MRGPRF: variants seen among roughly 807,000 people sequenced by gnomAD.
The protein encoded by MRGPRF is MAS related GPR family member F.
A neutral mutation model predicts 3.3 loss-of-function variants in MRGPRF; 2 were observed. The observed-to-expected ratio is 0.61, with a 90% confidence interval of 0.25 to 1.92. The LOEUF is 1.92. Among genes scored for constraint, MRGPRF ranks in the 40% most tolerant of loss-of-function variants. MRGPRF has a pLI of 0.16. For synonymous variants in MRGPRF, 242 were observed against 222.7 expected (o/e 1.09, Z -0.77); for missense variants, 500 against 476.0 (o/e 1.05, Z -0.47).
rs1349859546 is a variant in MRGPRF, at chr11:69,005,750, C to A, written c.560G>T (p.Arg187Leu). ...CCTGCAGGCCGCGCCGGGGGCCCCGCGGCCCAGGAACACGCAGAAGTAGTT... is the reference window on the plus strand; with the variant it reads ...CCTGCAGGCCGCGCCGGGGGCCCCGAGGCCCAGGAACACGCAGAAGTAGTT... ...LHNYFCVFLG[R>L]GAPGAACRHM... The change falls in exon 3 of 3, where the codon CGC becomes CTC. Residue 187 changes from arginine (R) to leucine (L), a missense_variant. By Grantham distance (102) the Arg-to-Leu change is moderately radical. Coordinates refer to ENST00000309099, the MANE Select transcript of MRGPRF (RefSeq NM_145015.5). 23 of 1,549,138 alleles carry A rather than the reference C, an allele frequency of 1.5e-5. 1 individual carries two copies. The highest frequency in any genetic ancestry group is 3.9e-5 in the Admixed American group (2 of 50,868).
chr11:69,005,905 C>T lies in MRGPRF; in HGVS notation c.405G>A (p.Pro135=), dbSNP rs371437637. 2.0e-5 allele frequency: 31 copies of T among 1,572,616 alleles called. No individual in the cohort carries two copies. The African/African-American group carries it at 3.0e-4, about 15-fold the overall frequency. ...CMFLTGVSLL[P]AVSAERCASV... ...AGGCGCAGCGCTCGGCGCTGACGGC[C>T]GGCAGGAGGCTCACGCCGGTAAGGA... Residue 135 remains proline, a synonymous_variant, in exon 3 of 3, where the codon CCG becomes CCA. Coordinates refer to ENST00000309099, the MANE Select transcript of MRGPRF (RefSeq NM_145015.5).
chr11:69,006,216 A>G lies in MRGPRF; in HGVS notation c.94T>C (p.Phe32Leu), dbSNP rs762559091. ...ATCGCGATCTGCTCGATGGTCAGGA[A>G]GCCCCGGCTGTAGAGTTCCGGGGCC... The part of the protein sequence containing the change: ...SEAPELYSRG[F>L]LTIEQIAMLP... Residue 32 changes from phenylalanine (F) to leucine (L), a missense_variant, in exon 3 of 3, where the codon TTC (phenylalanine) becomes CTC (leucine). By Grantham distance (22) the Phe-to-Leu change is conservative (BLOSUM62 0). Transcript: ENST00000309099. The G allele has an allele frequency of 1.9e-6, 3 of 1,613,382 alleles. No individual in the cohort carries two copies. Among genetic ancestry groups the G allele is most frequent in the Non-Finnish European group, 2.5e-6 (3 of 1,180,038 alleles).
chr11:69,006,850 C>G (rs1860502556), intron 2 of MRGPRF, among the ~76,000 whole-genome samples: 1 of 152,122 alleles, frequency 6.6e-6, no homozygotes, highest in African/African-American at 2.4e-5. Context: ...TCTCGAACTC[C>G]TGACCTCAAG....
At chr11:69,008,110 T>G (rs1323609951) in intron 2 of MRGPRF, among the ~76,000 whole-genome samples, 1 of 151,898 alleles carries the variant, frequency 6.6e-6, no homozygotes, top group Non-Finnish European at 1.5e-5. Flanking sequence ...TGCACTGGAG[T>G]GGCTGATCGT....
chr11:69,008,326 A>G (rs569970714), intron 2 of MRGPRF, among the ~76,000 whole-genome samples: 24 of 152,294 alleles, frequency 1.6e-4, no homozygotes, highest in African/African-American at 5.1e-4. Flanking sequence ...TCCCACATCC[A>G]GCATCTCCCC....
Position 69,005,152 on chromosome 11 carries a change from G to A in MRGPRF, c.*126C>T, listed in dbSNP as rs1860442969. On this transcript the variant is annotated 3_prime_UTR_variant, in exon 3 of 3. Coordinates refer to ENST00000309099, the MANE Select transcript of MRGPRF (RefSeq NM_145015.5). ...GGAGTCCCCAGCCCAGGGAGAAGGA[G>A]GCCCGAGGAGAGGAAACAGATCTTT... 1.6e-6 allele frequency: 2 copies of A among 1,247,840 alleles called. No homozygotes were observed. The highest frequency in any genetic ancestry group is 2.6e-5 in the East Asian group (1 of 38,218). The allele number at this position is 1,247,840 out of a possible 1,614,324, so 77.3% of individuals were successfully genotyped here.
chr11:69,006,045 C>A lies in MRGPRF; in HGVS notation c.265G>T (p.Asp89Tyr). The change falls in exon 3 of 3, where the codon GAT (aspartate) becomes TAT (tyrosine). Residue 89 changes from aspartate (D) to tyrosine (Y), a missense_variant. Coordinates refer to ENST00000309099, the MANE Select transcript of MRGPRF (RefSeq NM_145015.5). ...SIYFLHLASA[D>Y]VGYLFSKAVF... ...GCCTTGCTGAAGAGGTAGCCCACAT[C>A]GGCGCTGGCCAGGTGCAGGAAGTAG... is the stretch of plus-strand genomic sequence containing the variant. 4 of 1,585,248 alleles carry A rather than the reference C, an allele frequency of 2.5e-6. No individual in the cohort carries two copies. Among genetic ancestry groups the A allele is most frequent in the East Asian group, 4.6e-5 (2 of 43,412 alleles).
At position 69,009,572 on chromosome 11, in the gene MRGPRF, G is replaced by C. The variant is rs532514487; in HGVS notation, c.48+282C>G. On this transcript the variant is annotated intron_variant, in intron 2 of 2. Transcript: ENST00000309099. ...CCTCTGCAGGGAAGAGATGAAACAAGACCTTGCAAGGATGCTACAAGGCGA... is the reference window on the plus strand; with the variant it reads ...CCTCTGCAGGGAAGAGATGAAACAACACCTTGCAAGGATGCTACAAGGCGA... 44 of 599,140 alleles carry C rather than the reference G, an allele frequency of 7.3e-5. No homozygotes were observed. In the South Asian group the frequency reaches 8.6e-4, roughly 12 times the overall value. 37.1% of individuals were successfully genotyped at this position (599,140 alleles called of 1,614,324 possible).
Position 69,006,182 on chromosome 11 carries a change from G to T in MRGPRF, c.128C>A (p.Pro43His). ...LTIEQIAMLP[P>H]PAVMNYIFLL... ...GAAGATGTAGTTCATGACGGCCGGA[G>T]GCGGCAGCATCGCGATCTGCTCGAT... The change falls in exon 3 of 3, where the codon CCT becomes CAT. Residue 43 changes from proline (P) to histidine (H), a missense_variant. Physicochemically the swap from Pro to His is moderately conservative, Grantham distance 77. Coordinates refer to ENST00000309099, the MANE Select transcript of MRGPRF (RefSeq NM_145015.5). 1 of 1,613,956 alleles carries T rather than the reference G, an allele frequency of 6.2e-7. No homozygotes were observed. Among genetic ancestry groups the T allele is most frequent in the Non-Finnish European group, 8.5e-7 (1 of 1,180,034 alleles).
intron 2 of MRGPRF, among the ~76,000 whole-genome samples, chr11:69,008,200 T>C (rs937387247): frequency 1.3e-5 from 2 of 152,176 alleles, no homozygotes; most frequent in African/African-American, 4.8e-5. Context: ...CATTTAAACA[T>C]GCTGTGCAGG....
intron 2 of MRGPRF, 96 bp from the exon 3 acceptor site, chr11:69,006,357 A>AT: frequency 8.1e-7 from 1 of 1,229,618 alleles, no homozygotes; most frequent in Non-Finnish European, 1.1e-6. Flanking sequence ...GGGGGTCCCA[A>AT]TTAGGGACTT....
rs1860444549 is a variant in MRGPRF, at chr11:69,005,221, A to G, written c.*57T>C. The G allele has an allele frequency of 2.8e-6, 4 of 1,440,340 alleles. No individual in the cohort carries two copies. Among genetic ancestry groups the G allele is most frequent in the Non-Finnish European group, 3.6e-6 (4 of 1,102,968 alleles). 89.2% of individuals were successfully genotyped at this position (1,440,340 alleles called of 1,614,324 possible). ...AGAAGCAGGTGCCCATTCCTGTCCC[A>G]AGGCGAAGGGTCTTGGAGGCCGCTT... On this transcript the variant is annotated 3_prime_UTR_variant, in exon 3 of 3. Coordinates refer to ENST00000309099, the MANE Select transcript of MRGPRF (RefSeq NM_145015.5).
Position 69,005,516 on chromosome 11 carries a change from A to C in MRGPRF, c.794T>G (p.Phe265Cys), listed in dbSNP as rs1326096099. ...LGIDWFLFWV[F>C]QIPAPFPEYV... ...CTCGGGGAAGGGGGCCGGGATCTGG[A>C]AGACCCAGAAGAGGAACCAGTCGAT... Residue 265 changes from phenylalanine (F) to cysteine (C), a missense_variant, in exon 3 of 3, where the codon TTC (phenylalanine) becomes TGC (cysteine). Phe to Cys is a radical substitution (Grantham distance 205). Coordinates refer to ENST00000309099, the MANE Select transcript of MRGPRF (RefSeq NM_145015.5). The C allele has an allele frequency of 6.3e-7, 1 of 1,579,452 alleles. No individual in the cohort carries two copies. Among genetic ancestry groups the C allele is most frequent in the African/African-American group, 1.3e-5 (1 of 74,134 alleles).
rs1038960888 is a variant in MRGPRF, at chr11:69,005,695, C to T, written c.615G>A (p.Leu205=). 1.3e-6 allele frequency: 2 copies of T among 1,550,882 alleles called. No homozygotes were observed. The highest frequency in any genetic ancestry group is 2.7e-5 in the African/African-American group (2 of 73,056). ...RHMDIFLGIL[L]FLLCCPLMVL... is the part of the protein sequence containing the mutation. ...CCATGAGCGGGCAGCAGAGCAGGAA[C>T]AGGAGGATGCCCAGGAAGATGTCCA... Residue 205 remains leucine (L), a synonymous_variant, in exon 3 of 3, where the codon CTG becomes CTA. Coordinates refer to ENST00000309099, the MANE Select transcript of MRGPRF (RefSeq NM_145015.5).
intron 1 of MRGPRF, among the ~76,000 whole-genome samples, chr11:69,010,183 C>A (rs1347870438): frequency 2.0e-5 from 3 of 152,240 alleles, no homozygotes; most frequent in Admixed American, 6.5e-5. Context: ...CCGCGTCAGC[C>A]CCACCGCAGC....
At chr11:69,009,473 A>C in intron 2 of MRGPRF, 1 of 571,264 alleles carries the variant, frequency 1.8e-6, no homozygotes, top group Non-Finnish European at 3.1e-6. Flanking sequence ...AGCACATGAC[A>C]TCAGGGCCAC....
chr11:69,011,105 C>T (rs1377188366), intron 1 of MRGPRF, among the ~76,000 whole-genome samples: 1 of 152,112 alleles, frequency 6.6e-6, no homozygotes, highest in African/African-American at 2.4e-5. Context: ...TCCTCTGCGC[C>T]GCGCGGGTCC....
chr11:69,011,414 G>C (rs1267875537), intron 1 of MRGPRF, among the ~76,000 whole-genome samples: 1 of 152,240 alleles, frequency 6.6e-6, no homozygotes, highest in Admixed American at 6.5e-5. Context: ...GCCTACGGCT[G>C]ACTCAGCCTG....
At chr11:69,009,049 A>G (rs1168006852) in intron 2 of MRGPRF, among the ~76,000 whole-genome samples, 1 of 152,118 alleles carries the variant, frequency 6.6e-6, no homozygotes, top group Admixed American at 6.5e-5. Flanking sequence ...CCCACCTACC[A>G]GTCCAACCTC....
Sources: gnomAD v4.1 joint callset for allele counts (sites outside exome capture counted in the v4.1 genomes callset) on GRCh38, gnomAD v4.1.1 for gene constraint, MANE v1.5 for transcripts, NCBI Gene and HGNC (gene_info 2026-07-23, HGNC 2026-07-21) for gene names.